Variants in STK10 observed in about 807,000 individuals in gnomAD.
STK10 encodes serine/threonine kinase 10, also known as serine/threonine-protein kinase 10.
STK10 carries 78 observed loss-of-function variants against 113.8 expected under a neutral mutation model. That is an observed-to-expected ratio of 0.69 (90% confidence interval 0.57 to 0.83). STK10 has a LOEUF of 0.83. Among genes scored for constraint, STK10 ranks in the 40% least tolerant of loss-of-function variants. The pLI, the probability that STK10 is intolerant of heterozygous loss-of-function variation, is 0.00. For missense variants in STK10, 1,109 were observed against 1,280.1 expected, an observed-to-expected ratio of 0.87 and a Z score of 2.04; for synonymous variants, 465 against 494.7, an observed-to-expected ratio of 0.94 and a Z score of 0.80.
intron 10 of STK10, among the ~76,000 whole-genome samples, chr5:172,086,421 T>G (rs1768561633): frequency 6.6e-6 from 1 of 152,062 alleles, no homozygotes; most frequent in Non-Finnish European, 1.5e-5. Context: ...ACAAAAAGCC[T>G]AAAAGGAGTA....
intron 13 of STK10, 25 bp downstream of exon 13, chr5:172,064,695 T>A (rs1768027065): frequency 1.9e-6 from 3 of 1,613,118 alleles, no homozygotes; most frequent in Non-Finnish European, 2.5e-6. Context: ...GCCCCTGCGC[T>A]CCCCAGCTGA....
intron 5 of STK10, 43 bp from the exon 6 acceptor site, chr5:172,106,857 T>C (rs1256326316): frequency 1.3e-6 from 2 of 1,564,304 alleles, no homozygotes; most frequent in South Asian, 1.2e-5. Flanking sequence ...AATCTGGCCT[T>C]TACAGGTGCT....
chr5:172,093,799 T>G lies in STK10; in HGVS notation c.1167A>C (p.Gln389His). 1 of 1,608,524 alleles carries G rather than the reference T, an allele frequency of 6.2e-7. No homozygotes were observed. The highest frequency in any genetic ancestry group is 8.5e-7 in the Non-Finnish European group (1 of 1,175,848). The part of the protein sequence containing the change: ...CSQPSGDRSL[Q>H]TTSPPVVAPG... ...GGGCCACGACTGGGGGACTGGTGGT[T>G]TGGAGGGATCTGTCCCCAGAGGGCT... Residue 389 changes from glutamine (Q) to histidine (H), a missense_variant, in exon 9 of 19, where the codon CAA becomes CAC. Gln to His is a conservative substitution (Grantham distance 24). Coordinates refer to ENST00000176763, the MANE Select transcript of STK10 (RefSeq NM_005990.4). The surrounding 1 kb of genome is among the most constrained non-coding windows in gnomAD (Gnocchi z 4.1).
chr5:172,094,943 A>C lies in STK10; in HGVS notation c.1006-983T>G, dbSNP rs375115409. On this transcript the variant is annotated intron_variant, in intron 8 of 18. Transcript: ENST00000176763. ...AACATTCTTCCTGTGTATAAAACAT[A>C]AACATCCAACTTGGTGAATAGAGTG... 4.6e-5 allele frequency among the ~76,000 whole-genome samples: 7 copies of C among 152,200 alleles called. No homozygotes were observed. The East Asian group carries it at 1.2e-3, about 25-fold the overall frequency.
intron 2 of STK10, among the ~76,000 whole-genome samples, chr5:172,137,871 G>A (rs373049816): frequency 2.3e-5 from 3 of 131,414 alleles, no homozygotes; most frequent in South Asian, 5.0e-4. Flanking sequence ...CAGCCTGGAC[G>A]ACAGAGCGAG....
At chr5:172,080,923 A>G (rs187879054) in intron 12 of STK10, among the ~76,000 whole-genome samples, 240 of 152,348 alleles carry the variant, frequency 1.6e-3, no homozygotes, top group Non-Finnish European at 2.8e-3. Context: ...TAGGACTCTC[A>G]TAACTACAGA....
At position 172,125,181 on chromosome 5, in the gene STK10, C is replaced by A. The variant is rs538366568; in HGVS notation, c.370+2192G>T. Reference sequence around the variant, plus strand: ...AAGATAAACTTTCTCCAGATCCTGGCTCTTTCGGCATCTGCATATGCCCTA... The same window carrying A: ...AAGATAAACTTTCTCCAGATCCTGGATCTTTCGGCATCTGCATATGCCCTA... On this transcript the variant is annotated intron_variant, in intron 3 of 18. Coordinates refer to ENST00000176763, the MANE Select transcript of STK10 (RefSeq NM_005990.4). 2.6e-5 allele frequency among the ~76,000 whole-genome samples: 4 copies of A among 152,334 alleles called. No individual in the cohort carries two copies. In the East Asian group the frequency reaches 5.8e-4, roughly 22 times the overall value.
At chr5:172,059,850 T>C (rs1194734350) in intron 14 of STK10, among the ~76,000 whole-genome samples, 1 of 152,150 alleles carries the variant, frequency 6.6e-6, no homozygotes, top group African/African-American at 2.4e-5. Flanking sequence ...TTATTTTTCC[T>C]CAATCAGCCC....
At position 172,115,437 on chromosome 5, in the gene STK10, A is replaced by G. The variant is rs993144313; in HGVS notation, c.520+2044T>C. Among the ~76,000 whole-genome samples the G allele has an allele frequency of 1.1e-4, 17 of 152,156 alleles. No homozygotes were observed. In the East Asian group the frequency reaches 3.3e-3, roughly 29 times the overall value. Reference sequence around the variant, plus strand: ...CTACATGCACAGAAAGCCAAGGGCCAGGGATACGGTCCTGGCAGCGTTAAG... The same window carrying G: ...CTACATGCACAGAAAGCCAAGGGCCGGGGATACGGTCCTGGCAGCGTTAAG... On this transcript the variant is annotated intron_variant, in intron 4 of 18. Transcript: ENST00000176763.
intron 2 of STK10, among the ~76,000 whole-genome samples, chr5:172,151,862 C>T (rs1037036688): frequency 1.3e-5 from 2 of 152,210 alleles, no homozygotes; most frequent in Admixed American, 6.5e-5. Flanking sequence ...GTTACTCTGC[C>T]GCTCTCCCTC....
rs1258255995 is a variant in STK10, at chr5:172,072,275, T to TTG, written c.1990-7464_1990-7463insCA. ...AAAAAATTTTTTTTCTTTTCTTTTCTTTTTTTTTTGAGATGGAGTCTTGCT... is the reference window on the plus strand; with the variant it reads ...AAAAAATTTTTTTTCTTTTCTTTTCTTGTTTTTTTTTGAGATGGAGTCTTGCT... On this transcript the variant is annotated intron_variant, in intron 12 of 18. Coordinates refer to ENST00000176763, the MANE Select transcript of STK10 (RefSeq NM_005990.4). Among the ~76,000 whole-genome samples the TTG allele has an allele frequency of 2.2e-5, 3 of 139,488 alleles. No homozygotes were observed. The East Asian group carries it at 5.9e-4, about 27-fold the overall frequency. The allele number at this position is 139,488 out of a possible 152,430, so 91.5% of individuals were successfully genotyped here.
intron 7 of STK10, among the ~76,000 whole-genome samples, chr5:172,098,451 G>A (rs1036577958): frequency 1.3e-5 from 2 of 152,170 alleles, no homozygotes; most frequent in African/African-American, 2.4e-5. Flanking sequence ...GACTGAGCTT[G>A]TTGGGCGGCA....
rs140625589 is a variant in STK10 at position 172,090,075 on chromosome 5, G to T, written c.1685+157C>A. Among the ~76,000 whole-genome samples the T allele has an allele frequency of 2.7e-3, 412 of 152,154 alleles. 8 individuals carry two copies. The highest frequency in any genetic ancestry group is 9.6e-3 in the African/African-American group (397 of 41,488). On this transcript the variant is annotated intron_variant, in intron 10 of 18. Coordinates refer to ENST00000176763, the MANE Select transcript of STK10 (RefSeq NM_005990.4). ...TAGGTGAACGGTTGGGTAGATGGGG[G>T]AGTGCAGGATCGCAGGCAAAATGAG...
Position 172,147,432 on chromosome 5 carries a change from T to C in STK10, c.321+9192A>G, listed in dbSNP as rs1222978540. On this transcript the variant is annotated intron_variant, in intron 2 of 18. Coordinates refer to ENST00000176763, the MANE Select transcript of STK10 (RefSeq NM_005990.4). ...TTTGAGACAGAGTCTTGCTCTGTCG[T>C]CCAGGCTGGAGGGCAGTGGCACAAT... Among the ~76,000 whole-genome samples, 8 of 151,942 alleles carry C rather than the reference T, an allele frequency of 5.3e-5. No homozygotes were observed. The South Asian group carries it at 6.3e-4, about 12-fold the overall frequency.
intron 18 of STK10, among the ~76,000 whole-genome samples, chr5:172,047,072 T>C (rs1767508599): frequency 6.6e-6 from 1 of 152,120 alleles, no homozygotes; most frequent in South Asian, 2.1e-4. Context: ...TGTACAATCA[T>C]CTCCCTGCCT....
chr5:172,128,214 T>G (rs1165800602), intron 2 of STK10, among the ~76,000 whole-genome samples: 1 of 75,006 alleles, frequency 1.3e-5, no homozygotes, highest in Non-Finnish European at 2.3e-5. Context: ...AGAGGGAGAC[T>G]CCGTCTCAAA....
intron 1 of STK10, among the ~76,000 whole-genome samples, chr5:172,167,505 C>G (rs1270957506): frequency 1.3e-5 from 2 of 152,170 alleles, no homozygotes; most frequent in African/African-American, 4.8e-5. Flanking sequence ...CCAGTGACAT[C>G]TGGCAATTAT....
rs540415662 is a variant in STK10, at chr5:172,184,872, G to C, written c.156+3015C>G. Among the ~76,000 whole-genome samples the C allele has an allele frequency of 1.4e-4, 21 of 152,152 alleles. 1 individual carries two copies. In the South Asian group the frequency reaches 3.7e-3, roughly 27 times the overall value. On this transcript the variant is annotated intron_variant, in intron 1 of 18. Coordinates refer to ENST00000176763, the MANE Select transcript of STK10 (RefSeq NM_005990.4). ...GGTGGGGTTTCACCATGTTGCCCCA[G>C]CTGGTCTCAAACTCCTAACCTCAAG...
chr5:172,163,673 T>C (rs1358246203), intron 1 of STK10, among the ~76,000 whole-genome samples: 1 of 152,186 alleles, frequency 6.6e-6, no homozygotes, highest in Non-Finnish European at 1.5e-5. Context: ...CCCTAGTCAT[T>C]CATTCAACCA....
Sources: gnomAD v4.1 joint callset for allele counts (sites outside exome capture counted in the v4.1 genomes callset) on GRCh38, gnomAD v4.1.1 for gene constraint, Gnocchi (gnomAD v3.1) non-coding constraint, MANE v1.5 for transcripts, NCBI Gene and HGNC (gene_info 2026-07-23, HGNC 2026-07-21) for gene names.